GHR: variants seen among roughly 807,000 people sequenced by gnomAD.
GHR encodes the protein GH receptor.
A neutral mutation model predicts 67.1 loss-of-function variants in GHR; 35 were observed. The ratio of observed to expected loss-of-function variants is 0.52; its 90% CI spans 0.40 to 0.69. The LOEUF (loss-of-function observed/expected upper bound fraction) is 0.69, where lower values mean the gene tolerates loss of function less well. GHR is among the 30% of genes least tolerant of loss of function. The pLI is 0.00. For synonymous variants in GHR, 272 were observed against 269.1 expected (o/e 1.01, Z -0.10); for missense variants, 792 against 764.6 (o/e 1.04, Z -0.42).
chr5:42,566,160 G>T (rs1178246086), intron 2 of GHR, among the ~76,000 whole-genome samples: 1 of 152,180 alleles, frequency 6.6e-6, no homozygotes, highest in Non-Finnish European at 1.5e-5. Flanking sequence ...GGCATCTGAT[G>T]TTTTCATATC....
intron 3 of GHR, among the ~76,000 whole-genome samples, chr5:42,688,531 T>A (rs1324425544): frequency 2.0e-5 from 3 of 152,152 alleles, no homozygotes; most frequent in Non-Finnish European, 2.9e-5. Context: ...TTGTTCTCCC[T>A]TTCCTTCCCA....
In GHR at chr5:42,512,406, T is replaced by G. The variant is rs113033121; in HGVS notation, c.-11-53458T>G. On this transcript the variant is annotated intron_variant, in intron 1 of 9. Coordinates refer to ENST00000230882, the MANE Select transcript of GHR (RefSeq NM_000163.5). The stretch of plus-strand genomic sequence containing the variant: ...GGCAGAGGAGAGAGCAGTAGGTGTA[T>G]ATGCCATGAAGATTTTGGAATCGAT... Among the ~76,000 whole-genome samples the G allele has an allele frequency of 9.3e-3, 1,419 of 152,184 alleles. 27 individuals carry two copies. The highest frequency in any genetic ancestry group is 0.033 in the African/African-American group (1,360 of 41,502).
intron 1 of GHR, among the ~76,000 whole-genome samples, chr5:42,552,017 G>A (rs906413964): frequency 1.3e-5 from 2 of 152,220 alleles, no homozygotes; most frequent in African/African-American, 4.8e-5. Context: ...TTATGTGTCT[G>A]TCCCTTTGGC....
At chr5:42,441,819 T>C (rs562032752) in intron 1 of GHR, among the ~76,000 whole-genome samples, 30 of 152,292 alleles carry the variant, frequency 2.0e-4, no homozygotes, top group Non-Finnish European at 3.8e-4. Flanking sequence ...AGGAGGAGTA[T>C]TTTTTAAAGA....
chr5:42,456,326 T>C (rs959856692), intron 1 of GHR, among the ~76,000 whole-genome samples: 1 of 152,156 alleles, frequency 6.6e-6, no homozygotes, highest in South Asian at 2.1e-4. Flanking sequence ...AATAAATAAA[T>C]AAAAATTAAA....
chr5:42,478,699 G>T (rs1354766213), intron 1 of GHR, among the ~76,000 whole-genome samples: 1 of 152,186 alleles, frequency 6.6e-6, no homozygotes, highest in Non-Finnish European at 1.5e-5. Context: ...TGTTGTTGGT[G>T]TATAAGAATG....
intron 1 of GHR, among the ~76,000 whole-genome samples, chr5:42,521,869 T>C (rs559207172): frequency 6.6e-6 from 1 of 152,358 alleles, no homozygotes; most frequent in East Asian, 1.9e-4. Flanking sequence ...GAAATGTTTT[T>C]AGCATGTTCA....
chr5:42,578,397 CTAAGA>C (rs903316918), intron 2 of GHR, among the ~76,000 whole-genome samples: 1 of 152,084 alleles, frequency 6.6e-6, no homozygotes, highest in African/African-American at 2.4e-5. Flanking sequence ...TGTTACTCAT[CTAAGA>C]TTTTTTGAGC....
chr5:42,598,120 G>A (rs1412164250), intron 2 of GHR, among the ~76,000 whole-genome samples: 1 of 152,094 alleles, frequency 6.6e-6, no homozygotes, highest in East Asian at 1.9e-4. Flanking sequence ...AGATGAGAGA[G>A]GGGACATTCC....
intron 1 of GHR, among the ~76,000 whole-genome samples, chr5:42,500,837 A>G (rs1248001035): frequency 6.6e-6 from 1 of 152,248 alleles, no homozygotes; most frequent in Non-Finnish European, 1.5e-5. Flanking sequence ...ATCCGTAACA[A>G]TGACATCCTA....
intron 4 of GHR, among the ~76,000 whole-genome samples, chr5:42,691,548 C>T (rs1048483440): frequency 6.6e-6 from 1 of 152,218 alleles, no homozygotes; most frequent in Admixed American, 6.5e-5. Context: ...ACTCCTGAAA[C>T]TATAGAAACA....
intron 1 of GHR, among the ~76,000 whole-genome samples, chr5:42,501,661 C>T (rs1746545664): frequency 6.6e-6 from 1 of 152,164 alleles, no homozygotes; most frequent in Non-Finnish European, 1.5e-5. Flanking sequence ...CCCCTCAACT[C>T]ATGACAACCA....
rs143823808 is a variant in GHR, at chr5:42,659,830, G to A, written c.137-29060G>A. ...CATTGCCTCACTCAGGAAGCGCAAG[G>A]GGACAGGGAGTTCCCTTTCCGAGTC... On this transcript the variant is annotated intron_variant, in intron 3 of 9. Coordinates refer to ENST00000230882, the MANE Select transcript of GHR (RefSeq NM_000163.5). Among the ~76,000 whole-genome samples the A allele has an allele frequency of 5.7e-3, 865 of 152,234 alleles. 3 individuals are homozygous for A. The highest frequency in any genetic ancestry group is 0.019 in the African/African-American group (773 of 41,562).
chr5:42,481,717 T>G (rs1053219166), intron 1 of GHR, among the ~76,000 whole-genome samples: 19 of 152,244 alleles, frequency 1.2e-4, no homozygotes, highest in Non-Finnish European at 7.3e-5. Context: ...TTCTCGTGCC[T>G]TGGTTTTCAG....
At chr5:42,454,398 T>C (rs1314345193) in intron 1 of GHR, among the ~76,000 whole-genome samples, 1 of 152,204 alleles carries the variant, frequency 6.6e-6, no homozygotes, top group East Asian at 1.9e-4. Context: ...GTCATGAGTA[T>C]GGCCTGAGTT....
At chr5:42,433,450 A>T (rs1419475434) in intron 1 of GHR, among the ~76,000 whole-genome samples, 2 of 152,198 alleles carry the variant, frequency 1.3e-5, no homozygotes, top group Admixed American at 6.5e-5. Context: ...ACATGTATTT[A>T]TCAATCCATT....
intron 1 of GHR, among the ~76,000 whole-genome samples, chr5:42,535,672 T>G (rs1748224947): frequency 6.6e-6 from 1 of 152,038 alleles, no homozygotes; most frequent in African/African-American, 2.4e-5. Context: ...ATTTTAGAAT[T>G]GTTTTTTCTA....
At chr5:42,523,323 T>C (rs1166475695) in intron 1 of GHR, among the ~76,000 whole-genome samples, 1 of 152,216 alleles carries the variant, frequency 6.6e-6, no homozygotes, top group African/African-American at 2.4e-5. Context: ...GTTTTGTAGA[T>C]AATTGTGTTT....
At chr5:42,451,579 G>T (rs146006654) in intron 1 of GHR, among the ~76,000 whole-genome samples, 5 of 151,654 alleles carry the variant, frequency 3.3e-5, no homozygotes, top group Admixed American at 6.6e-5. Context: ...GGTGGTGTGC[G>T]CCTGCAGTCC....
Sources: gnomAD v4.1 joint callset for allele counts (sites outside exome capture counted in the v4.1 genomes callset) on GRCh38, gnomAD v4.1.1 for gene constraint, MANE v1.5 for transcripts, NCBI Gene and HGNC (gene_info 2026-07-23, HGNC 2026-07-21) for gene names.